BLK: variants seen among roughly 807,000 people sequenced by gnomAD.
BLK encodes the protein tyrosine-protein kinase Blk.
BLK carries 64 observed loss-of-function variants against 61.8 expected under a neutral mutation model. The observed-to-expected ratio is 1.03, with a 90% CI of 0.85 to 1.27. BLK has a LOEUF of 1.27. BLK is among the 50% of genes most tolerant of loss of function. BLK has a pLI of 0.00. For synonymous variants in BLK, 351 were observed against 272.0 expected, an observed-to-expected ratio of 1.29 and a Z score of -2.86; for missense variants, 853 against 660.5, an observed-to-expected ratio of 1.29 and a Z score of -3.19.
At chr8:11,536,732 G>T (rs562778022) in intron 1 of BLK, among the ~76,000 whole-genome samples, 1 of 152,280 alleles carries the variant, frequency 6.6e-6, no homozygotes. Context: ...GTATATTTTG[G>T]AAGGTTTCAT....
At chr8:11,520,308 C>T (rs1447928024) in intron 1 of BLK, among the ~76,000 whole-genome samples, 1 of 151,418 alleles carries the variant, frequency 6.6e-6, no homozygotes, top group Admixed American at 6.6e-5. Context: ...GAAAACCTCC[C>T]TCTATAAAAT....
intron 1 of BLK, among the ~76,000 whole-genome samples, chr8:11,532,551 C>T (rs1019872768): frequency 6.6e-6 from 1 of 151,976 alleles, no homozygotes; most frequent in African/African-American, 2.4e-5. Flanking sequence ...TTTTTTTAAT[C>T]TCTAGGAGAC....
chr8:11,547,644 G>A (rs1314676652), intron 3 of BLK, among the ~76,000 whole-genome samples: 4 of 152,238 alleles, frequency 2.6e-5, no homozygotes, highest in Non-Finnish European at 4.4e-5. Flanking sequence ...AAAAGGATAA[G>A]AGGAGGCTTA....
At chr8:11,500,397 TG>T (rs1563416957) in intron 1 of BLK, among the ~76,000 whole-genome samples, 1 of 151,626 alleles carries the variant, frequency 6.6e-6, no homozygotes, top group African/African-American at 2.4e-5. Flanking sequence ...GGTTTCATCA[TG>T]TTGGCCAGGC....
At chr8:11,517,555 G>A (rs1393873754) in intron 1 of BLK, among the ~76,000 whole-genome samples, 20 of 152,208 alleles carry the variant, frequency 1.3e-4, no homozygotes, top group Admixed American at 1.3e-3. Flanking sequence ...CCTTGCTGTA[G>A]CAGCTCAAGC....
chr8:11,557,341 C>T (rs577341256), intron 9 of BLK, among the ~76,000 whole-genome samples: 26 of 152,340 alleles, frequency 1.7e-4, no homozygotes, highest in Admixed American at 3.9e-4. Flanking sequence ...CCTGACCGCA[C>T]ACTGCTCCTA....
At chr8:11,505,820 T>A (rs1798750513) in intron 1 of BLK, among the ~76,000 whole-genome samples, 1 of 152,208 alleles carries the variant, frequency 6.6e-6, no homozygotes, top group Non-Finnish European at 1.5e-5. Context: ...TGGGCCCATC[T>A]GTCCTGTCCC....
chr8:11,559,327 TCA>T (rs35419225), intron 10 of BLK, among the ~76,000 whole-genome samples: 56,711 of 150,648 alleles, frequency 0.38, 11,762 homozygotes, highest in Non-Finnish European at 0.48. Context: ...AAACACAGAC[TCA>T]CACACACACG....
At chr8:11,526,574 C>T (rs1585358279) in intron 1 of BLK, among the ~76,000 whole-genome samples, 1 of 152,140 alleles carries the variant, frequency 6.6e-6, no homozygotes, top group Non-Finnish European at 1.5e-5. Context: ...CAAAAATTAG[C>T]TGGGCGTTGT....
At chr8:11,516,205 T>A (rs1215328076) in intron 1 of BLK, among the ~76,000 whole-genome samples, 1 of 151,582 alleles carries the variant, frequency 6.6e-6, no homozygotes, top group African/African-American at 2.4e-5. Flanking sequence ...GTCCCTGGAG[T>A]AGTCCCATTC....
At chr8:11,529,436 G>T (rs1799800746) in intron 1 of BLK, among the ~76,000 whole-genome samples, 1 of 152,008 alleles carries the variant, frequency 6.6e-6, no homozygotes, top group African/African-American at 2.4e-5. Context: ...TCAATTCCTG[G>T]GTGGGAGCCA....
chr8:11,511,243 TG>T (rs1798993450), intron 1 of BLK, among the ~76,000 whole-genome samples: 1 of 152,010 alleles, frequency 6.6e-6, no homozygotes, highest in Non-Finnish European at 1.5e-5. Context: ...CACACAGCAA[TG>T]AGAACACATG....
chr8:11,523,580 A>T (rs1482879358), intron 1 of BLK, among the ~76,000 whole-genome samples: 1 of 152,172 alleles, frequency 6.6e-6, no homozygotes, highest in Non-Finnish European at 1.5e-5. Context: ...TTAGTAAGTT[A>T]AAAAGCATAA....
At chr8:11,545,101 C>A (rs958420281) in intron 2 of BLK, among the ~76,000 whole-genome samples, 2 of 152,240 alleles carry the variant, frequency 1.3e-5, no homozygotes, top group African/African-American at 4.8e-5. Flanking sequence ...TCAAACAGCG[C>A]ATATGCTTCT....
chr8:11,556,469 A>C lies in BLK; in HGVS notation c.773-189A>C, dbSNP rs1801229333. On this transcript the variant is annotated intron_variant, in intron 8 of 12. Coordinates refer to ENST00000259089, the MANE Select transcript of BLK (RefSeq NM_001715.3). Reference sequence around the variant, plus strand: ...GCAGGGTACATTCCTCCACTGCCTGAGGCCCCATATAGAAGGGACCTGGAA... The same window carrying C: ...GCAGGGTACATTCCTCCACTGCCTGCGGCCCCATATAGAAGGGACCTGGAA... 1.2e-5 allele frequency: 8 copies of C among 685,238 alleles called. No homozygotes were observed. The South Asian group carries it at 1.3e-4, about 11-fold the overall frequency. 42.4% of individuals were successfully genotyped at this position (685,238 alleles called of 1,614,324 possible). A position where few individuals can be genotyped will look rare whatever the true frequency, so the allele number is the denominator to read the frequency against.
intron 1 of BLK, among the ~76,000 whole-genome samples, chr8:11,524,577 TAGAA>T (rs1400100584): frequency 6.6e-6 from 1 of 152,178 alleles, no homozygotes; most frequent in Non-Finnish European, 1.5e-5. Flanking sequence ...TCGGAAGACT[TAGAA>T]AGGTTATGTA....
chr8:11,540,399 A>G (rs1013909702), intron 1 of BLK, among the ~76,000 whole-genome samples: 3 of 152,116 alleles, frequency 2.0e-5, no homozygotes, highest in African/African-American at 7.2e-5. Flanking sequence ...GTCTACTTTT[A>G]TTATTCCAAT....
At chr8:11,522,518 T>G (rs527764172) in intron 1 of BLK, among the ~76,000 whole-genome samples, 1 of 152,330 alleles carries the variant, frequency 6.6e-6, no homozygotes, top group South Asian at 2.1e-4. Context: ...ATTAAATATC[T>G]AAATTCCCTG....
chr8:11,558,491 C>T (rs953488646), intron 10 of BLK: 7 of 370,226 alleles, frequency 1.9e-5, no homozygotes, highest in African/African-American at 1.1e-4. Context: ...ACAGCCCTGG[C>T]GTCGACCCCA....
Sources: allele counts gnomAD v4.1 joint callset (sites outside exome capture counted in the v4.1 genomes callset), GRCh38; gene constraint gnomAD v4.1.1; transcripts MANE v1.5; gene names NCBI Gene and HGNC (gene_info 2026-07-23, HGNC 2026-07-21).